The following SYNJ1 variants were observed in gnomAD, a reference collection of about 807,000 sequenced individuals.
The protein encoded by SYNJ1 is polyphosphatidylinositol phosphatase SYNJ1.
Under a neutral mutation model 168.2 loss-of-function variants are expected in SYNJ1, and 78 were observed. That is an observed-to-expected ratio of 0.46 (90% CI 0.39 to 0.56). The LOEUF (loss-of-function observed/expected upper bound fraction) is 0.56. Ranked by LOEUF, SYNJ1 falls within the 20% of genes least tolerant of loss-of-function variation. The pLI is 0.00. For synonymous variants in SYNJ1, 539 were observed against 548.6 expected (o/e 0.98, Z 0.24); for missense variants, 1,303 against 1,597.6 (o/e 0.82, Z 3.14).
At chr21:32,643,601 T>G in intron 26 of SYNJ1, 144 bp from the exon 27 acceptor site, 1 of 804,512 alleles carries the variant, frequency 1.2e-6, no homozygotes, top group Non-Finnish European at 2.0e-6. Flanking sequence ...AAGATATCAA[T>G]ACAAACCAAA....
At chr21:32,688,140 A>G (rs2041895281) in intron 7 of SYNJ1, among the ~76,000 whole-genome samples, 166 bp downstream of exon 7, 1 of 152,102 alleles carries the variant, frequency 6.6e-6, no homozygotes, top group Non-Finnish European at 1.5e-5. Flanking sequence ...TTCCAGCACT[A>G]CCACCCCCAG....
chr21:32,678,671 G>C lies in SYNJ1; in HGVS notation c.1484C>G (p.Ala495Gly). 1 of 1,609,994 alleles carries C rather than the reference G, an allele frequency of 6.2e-7. No homozygotes were observed. Among genetic ancestry groups the C allele is most frequent in the Non-Finnish European group, 8.5e-7 (1 of 1,178,934 alleles). The change falls in exon 12 of 33, where the codon GCA (alanine) becomes GGA (glycine). Residue 495 changes from alanine to glycine, a missense_variant. Ala to Gly is a moderately conservative substitution (Grantham distance 60, BLOSUM62 0). Transcript: ENST00000674351. ...LNSDLADKAR[A>G]LLTTGSLRVS... ...ACGCAAACTTCCAGTAGTTAAAAGT[G>C]CTCGAGCTTTGTCAGCTAAATCACT...
intron 2 of SYNJ1, among the ~76,000 whole-genome samples, chr21:32,719,760 T>C (rs2043152891): frequency 6.6e-6 from 1 of 150,474 alleles, no homozygotes; most frequent in African/African-American, 2.4e-5. Flanking sequence ...TAGTGCTCAG[T>C]GCTCAACAAG....
At chr21:32,696,990 C>T (rs564388715) in intron 4 of SYNJ1, among the ~76,000 whole-genome samples, 1 of 152,284 alleles carries the variant, frequency 6.6e-6, no homozygotes, top group South Asian at 2.1e-4. Context: ...CCAGTATGTC[C>T]AACCACCACA....
At chr21:32,707,383 C>G (rs1370488995) in intron 2 of SYNJ1, among the ~76,000 whole-genome samples, 1 of 149,994 alleles carries the variant, frequency 6.7e-6, no homozygotes, top group Non-Finnish European at 1.5e-5. Flanking sequence ...AGCTCCTGGG[C>G]TCAAGTGATC....
intron 10 of SYNJ1, among the ~76,000 whole-genome samples, chr21:32,682,127 C>A (rs2041649491): frequency 6.6e-6 from 1 of 152,122 alleles, no homozygotes; most frequent in African/African-American, 2.4e-5. Flanking sequence ...AGTAAAACTT[C>A]TGAATGAAGT....
chr21:32,719,468 C>T (rs1881771572), intron 2 of SYNJ1, among the ~76,000 whole-genome samples: 1 of 152,196 alleles, frequency 6.6e-6, no homozygotes, highest in Admixed American at 6.5e-5. Flanking sequence ...AATCCCAGCA[C>T]TTTGGAAGGC....
intron 7 of SYNJ1, 47 bp downstream of exon 7, chr21:32,688,259 T>A: frequency 6.4e-7 from 1 of 1,572,024 alleles, no homozygotes; most frequent in Non-Finnish European, 8.7e-7. Context: ...GCAGTCCCAC[T>A]GCTTAGCAAT....
intron 2 of SYNJ1, among the ~76,000 whole-genome samples, chr21:32,703,600 T>C (rs945518074): frequency 1.3e-5 from 2 of 152,236 alleles, no homozygotes; most frequent in African/African-American, 4.8e-5. Context: ...ATATGCCATA[T>C]ACATTTAAAA....
At chr21:32,723,653 C>T (rs1569140961) in intron 2 of SYNJ1, among the ~76,000 whole-genome samples, 1 of 151,908 alleles carries the variant, frequency 6.6e-6, no homozygotes, top group African/African-American at 2.4e-5. Flanking sequence ...CCCCTATCTA[C>T]AAAAAAATAC....
chr21:32,652,260 G>A (rs1601290262), intron 22 of SYNJ1, among the ~76,000 whole-genome samples: 1 of 151,712 alleles, frequency 6.6e-6, no homozygotes, highest in Non-Finnish European at 1.5e-5. Context: ...GAGTGCACTG[G>A]TGCAATCTCG....
At chr21:32,709,643 G>A (rs980996768) in intron 2 of SYNJ1, among the ~76,000 whole-genome samples, 7 of 150,790 alleles carry the variant, frequency 4.6e-5, no homozygotes, top group African/African-American at 1.7e-4. Flanking sequence ...TCAGCCTCTC[G>A]AGTAGCTGGG....
chr21:32,694,134 A>G (rs1267298039), intron 6 of SYNJ1, 94 bp downstream of exon 6: 2 of 810,130 alleles, frequency 2.5e-6, no homozygotes, highest in African/African-American at 3.6e-5. Context: ...GGAATAATGG[A>G]ACCATCAATG....
intron 5 of SYNJ1, 64 bp downstream of exon 5, chr21:32,694,993 T>A (rs1356987573): frequency 1.8e-5 from 25 of 1,399,900 alleles, no homozygotes; most frequent in Non-Finnish European, 2.4e-5. Flanking sequence ...AAATCTGTTA[T>A]TCTAGTATTT....
Position 32,701,957 on chromosome 21 carries a change from T to A in SYNJ1, c.211+4A>T. The A allele has an allele frequency of 6.5e-7, 1 of 1,534,358 alleles. No individual in the cohort carries two copies. Among genetic ancestry groups the A allele is most frequent in the Non-Finnish European group, 8.8e-7 (1 of 1,131,400 alleles). ...GGATGAATTCTACTGAATGATAAAC[T>A]TACCAAGATTTAACCGCAGAACACC... is the stretch of plus-strand genomic sequence containing the variant. On this transcript the variant is annotated splice_donor_region_variant and intron_variant, in intron 3 of 32. Transcript: ENST00000674351.
At chr21:32,658,064 C>G (rs926981833) in intron 18 of SYNJ1, among the ~76,000 whole-genome samples, 192 bp from the exon 19 acceptor site, 4 of 152,066 alleles carry the variant, frequency 2.6e-5, no homozygotes, top group Admixed American at 6.5e-5. Context: ...TTTTTCATAC[C>G]CATAGGGACA....
At chr21:32,705,106 A>G (rs1355680454) in intron 2 of SYNJ1, among the ~76,000 whole-genome samples, 1 of 150,966 alleles carries the variant, frequency 6.6e-6, no homozygotes, top group East Asian at 1.9e-4. Context: ...CCGAGATTGC[A>G]CCACTGCACT....
chr21:32,700,975 A>G (rs1381605782), intron 3 of SYNJ1, among the ~76,000 whole-genome samples: 1 of 152,202 alleles, frequency 6.6e-6, no homozygotes, highest in African/African-American at 2.4e-5. Context: ...GTTGAAATTG[A>G]GCAATGGTAT....
intron 4 of SYNJ1, among the ~76,000 whole-genome samples, chr21:32,695,898 G>A (rs1355016270): frequency 4.6e-5 from 7 of 151,464 alleles, no homozygotes; most frequent in Non-Finnish European, 1.0e-4. Context: ...CCAGGTTGGA[G>A]TGCAGTGGCG....
Sources: allele counts gnomAD v4.1 joint callset (sites outside exome capture counted in the v4.1 genomes callset), GRCh38; gene constraint gnomAD v4.1.1; transcripts MANE v1.5; gene names NCBI Gene and HGNC (gene_info 2026-07-23, HGNC 2026-07-21).